LOXL1: variants seen among roughly 807,000 people sequenced by gnomAD.
The protein encoded by LOXL1 is lysyl oxidase homolog 1.
LOXL1 carries 31 observed loss-of-function variants against 62.2 expected under a neutral mutation model. The observed-to-expected ratio is 0.50, with a 90% CI of 0.37 to 0.67. The LOEUF is 0.67. Among genes scored for constraint, LOXL1 ranks in the 30% least tolerant of loss-of-function variants. LOXL1 has a pLI of 0.00. For synonymous variants in LOXL1, 403 were observed against 384.4 expected (o/e 1.05, Z -0.56); for missense variants, 775 against 843.4 (o/e 0.92, Z 1.00).
Position 73,927,437 on chromosome 15 carries a change from C to A in LOXL1, c.654C>A (p.Ala218=). The change falls in exon 1 of 7, where the codon GCC becomes GCA. Residue 218 remains alanine, a synonymous_variant. Transcript: ENST00000261921. ...GCGGCGTGGGCGCGGGGGCGGCGGC[C>A]GTGGCCTCGGCGGGGGTCATCTACC... The part of the protein sequence containing the change: ...AGGGVGAGAA[A]VASAGVIYPY... The A allele has an allele frequency of 6.8e-7, 1 of 1,462,286 alleles. No homozygotes were observed. The highest frequency in any genetic ancestry group is 1.5e-5 in the African/African-American group (1 of 68,420). The allele number at this position is 1,462,286 out of a possible 1,614,324, so 90.6% of individuals were successfully genotyped here.
At chr15:73,936,350 T>C (rs1466332560) in intron 1 of LOXL1, among the ~76,000 whole-genome samples, 3 of 152,180 alleles carry the variant, frequency 2.0e-5, no homozygotes, top group African/African-American at 7.2e-5. Context: ...GATTATGAGA[T>C]AATCATTTCC....
intron 4 of LOXL1, 88 bp downstream of exon 4, chr15:73,947,311 C>T: frequency 6.9e-7 from 1 of 1,442,060 alleles, no homozygotes; most frequent in East Asian, 2.3e-5. Context: ...CGGCAAGTGC[C>T]AAGGCTTCTG....
At position 73,927,042 on chromosome 15, in the gene LOXL1, C is replaced by A; in HGVS notation, c.259C>A (p.Arg87Ser). The A allele has an allele frequency of 7.4e-7, 1 of 1,351,254 alleles. No individual in the cohort carries two copies. The highest frequency in any genetic ancestry group is 9.6e-7 in the Non-Finnish European group (1 of 1,043,250). The allele number at this position is 1,351,254 out of a possible 1,614,324, so 83.7% of individuals were successfully genotyped here. Reference protein sequence around the residue: ...LAGAPQAQQRRSHGSPRRRQA... With the variant: ...LAGAPQAQQRSSHGSPRRRQA... ...CGGCGCGCCCCAGGCCCAGCAGCGGCGCAGCCACGGGAGCCCCCGGCGTCG... is the reference window on the plus strand; with the variant it reads ...CGGCGCGCCCCAGGCCCAGCAGCGGAGCAGCCACGGGAGCCCCCGGCGTCG... The change falls in exon 1 of 7, where the codon CGC (arginine) becomes AGC (serine). Residue 87 changes from arginine (R) to serine (S), a missense_variant. Transcript: ENST00000261921.
intron 1 of LOXL1, among the ~76,000 whole-genome samples, chr15:73,939,319 G>A (rs1166800971): frequency 1.3e-5 from 2 of 152,142 alleles, no homozygotes; most frequent in African/African-American, 4.8e-5. Context: ...TGGGACCTCG[G>A]CAAGGATCCT....
chr15:73,929,601 A>T (rs1355171316), intron 1 of LOXL1, among the ~76,000 whole-genome samples: 2 of 152,224 alleles, frequency 1.3e-5, no homozygotes, highest in Non-Finnish European at 2.9e-5. Flanking sequence ...GAAAAATCAG[A>T]TGGCAGGTCC....
chr15:73,929,399 A>G (rs1231299432), intron 1 of LOXL1, among the ~76,000 whole-genome samples: 1 of 152,204 alleles, frequency 6.6e-6, no homozygotes, highest in African/African-American at 2.4e-5. Flanking sequence ...CAGAGGGATG[A>G]TGCTTTGTCT....
intron 1 of LOXL1, among the ~76,000 whole-genome samples, chr15:73,936,272 C>T (rs1430849130): frequency 1.3e-5 from 2 of 152,156 alleles, no homozygotes; most frequent in Non-Finnish European, 2.9e-5. Context: ...GAATCTGCAG[C>T]CACCTTGCCT....
chr15:73,938,301 ATC>A (rs1252556814), intron 1 of LOXL1, among the ~76,000 whole-genome samples: 1 of 150,772 alleles, frequency 6.6e-6, no homozygotes, highest in African/African-American at 2.4e-5. Context: ...CTATCTATCT[ATC>A]TATCTATCTA....
Position 73,927,119 on chromosome 15 carries a change from CGG to C in LOXL1, c.337_338del (p.Gly113ProfsTer179), listed in dbSNP as rs1407270781. 1 of 1,366,118 alleles carries C rather than the reference CGG, an allele frequency of 7.3e-7. No individual in the cohort carries two copies. Among genetic ancestry groups the C allele is most frequent in the Non-Finnish European group, 9.5e-7 (1 of 1,054,082 alleles). The allele number at this position is 1,366,118 out of a possible 1,614,324, so 84.6% of individuals were successfully genotyped here. A position where few individuals can be genotyped will look rare whatever the true frequency, so the allele number is the denominator to read the frequency against. Reference sequence around the variant, plus strand: ...GGCGCGTGGGCTCGGACACCGTGCGCGGCCAGGCGCGGCACCCATTCGGCTTT... The same window carrying C: ...GGCGCGTGGGCTCGGACACCGTGCGCCCAGGCGCGGCACCCATTCGGCTTT... Reference protein sequence around the residue: ...PGRVGSDTVRGQARHPFGFGQ... With the variant: ...PGRVGSDTVRXQARHPFGFGQ... On this transcript the variant is annotated frameshift_variant, in exon 1 of 7. Coordinates refer to ENST00000261921, the MANE Select transcript of LOXL1 (RefSeq NM_005576.4). LOFTEE classifies it high-confidence loss of function.
chr15:73,932,300 TGTG>T (rs1250944657), intron 1 of LOXL1, among the ~76,000 whole-genome samples: 2 of 152,222 alleles, frequency 1.3e-5, no homozygotes, highest in Non-Finnish European at 2.9e-5. Context: ...GTGTTACAGA[TGTG>T]GTGACGAGCT....
In LOXL1 at chr15:73,927,861, T is replaced by C; in HGVS notation, c.1078T>C (p.Tyr360His). The change falls in exon 1 of 7, where the codon TAC (tyrosine) becomes CAC (histidine). Residue 360 changes from tyrosine to histidine, a missense_variant. Transcript: ENST00000261921. ...GGGCCGCCTCAGCGTGGGCAGCGTG[T>C]ACCGGCCCAACCAGAACGGCCGCGG... ...QQGRLSVGSVYRPNQNGRGLP... is the reference protein window; with the variant it reads ...QQGRLSVGSVHRPNQNGRGLP... The C allele has an allele frequency of 3.0e-6, 4 of 1,332,336 alleles. No homozygotes were observed. The highest frequency in any genetic ancestry group is 2.9e-6 in the Non-Finnish European group (3 of 1,049,374). The allele number at this position is 1,332,336 out of a possible 1,614,324, so 82.5% of individuals were successfully genotyped here. A position where few individuals can be genotyped will look rare whatever the true frequency, so the allele number is the denominator to read the frequency against.
At chr15:73,928,918 C>G (rs1482824025) in intron 1 of LOXL1, among the ~76,000 whole-genome samples, 1 of 151,712 alleles carries the variant, frequency 6.6e-6, no homozygotes, top group African/African-American at 2.4e-5. Flanking sequence ...CACCCTAGTC[C>G]TGGCCCTGGC....
Position 73,949,519 on chromosome 15 carries a change from T to C in LOXL1, c.1663T>C (p.Cys555Arg), listed in dbSNP as rs368858233. The C allele has an allele frequency of 1.9e-6, 3 of 1,614,042 alleles. No homozygotes were observed. The African/African-American group carries it at 4.0e-5, about 22-fold the overall frequency. ...TGACTTCACCAACAACGTGGTGAGATGCAACATTCACTACACAGGTCGCTA... is the reference window on the plus strand; with the variant it reads ...TGACTTCACCAACAACGTGGTGAGACGCAACATTCACTACACAGGTCGCTA... ...ESDFTNNVVR[C>R]NIHYTGRYVS... The change falls in exon 6 of 7, where the codon TGC (cysteine) becomes CGC (arginine). Residue 555 changes from cysteine (C) to arginine (R), a missense_variant. Coordinates refer to ENST00000261921, the MANE Select transcript of LOXL1 (RefSeq NM_005576.4).
intron 5 of LOXL1, 52 bp from the exon 6 acceptor site, chr15:73,949,407 G>A (rs965548459): frequency 2.0e-5 from 21 of 1,054,408 alleles, no homozygotes; most frequent in Admixed American, 1.7e-5. Flanking sequence ...AGCAGTTGAG[G>A]TGCAGCCCCC....
At position 73,927,212 on chromosome 15, in the gene LOXL1, C is replaced by T; in HGVS notation, c.429C>T (p.Arg143=). The stretch of plus-strand genomic sequence containing the variant: ...ACAGCACGGGCATGGCCCGGGCCCG[C>T]ACCTCCGTCTCCCAGCAACGGCACG... ...VGDSTGMARA[R]TSVSQQRHGG... The change falls in exon 1 of 7, where the codon CGC becomes CGT. Residue 143 remains arginine (R), a synonymous_variant. Transcript: ENST00000261921. 1 of 1,594,684 alleles carries T rather than the reference C, an allele frequency of 6.3e-7. No homozygotes were observed. The highest frequency in any genetic ancestry group is 8.5e-7 in the Non-Finnish European group (1 of 1,175,908).
chr15:73,951,742 T>C, intron 6 of LOXL1, 89 bp from the exon 7 acceptor site: 2 of 1,220,500 alleles, frequency 1.6e-6, no homozygotes, highest in Middle Eastern at 2.1e-4. Context: ...CCACGAGGGA[T>C]CTGGGCTGTG....
chr15:73,944,548 C>G (rs2068735425), intron 2 of LOXL1, among the ~76,000 whole-genome samples: 1 of 152,302 alleles, frequency 6.6e-6, no homozygotes, highest in South Asian at 2.1e-4. Flanking sequence ...CGTGGGAGTT[C>G]AGACCTGGAG....
At chr15:73,938,112 C>A in intron 1 of LOXL1, among the ~76,000 whole-genome samples, 1 of 151,902 alleles carries the variant, frequency 6.6e-6, no homozygotes, top group East Asian at 1.9e-4. Flanking sequence ...CATGGTGAAA[C>A]CCCATCTCTA....
intron 1 of LOXL1, chr15:73,928,273 T>G: frequency 5.5e-6 from 1 of 181,146 alleles, no homozygotes; most frequent in Non-Finnish European, 1.1e-5. Context: ...CTTCCCCCCT[T>G]AGAGATGTTC....
Sources: gnomAD v4.1 joint callset for allele counts (sites outside exome capture counted in the v4.1 genomes callset) on GRCh38, gnomAD v4.1.1 for gene constraint, MANE v1.5 for transcripts, NCBI Gene and HGNC (gene_info 2026-07-23, HGNC 2026-07-21) for gene names.